Variants in FGF14 observed in about 807,000 individuals in gnomAD.
FGF14 encodes fibroblast growth factor 14, also known as fibroblast growth factor homologous factor 4.
Under a neutral mutation model 25.5 loss-of-function variants are expected in FGF14, and 5 were observed. The observed-to-expected ratio is 0.20, with a 90% confidence interval of 0.10 to 0.41. The LOEUF (loss-of-function observed/expected upper bound fraction) is 0.41, where lower values mean the gene tolerates loss of function less well. Among genes scored for constraint, FGF14 ranks in the 10% least tolerant of loss-of-function variants. The pLI is 1.00. For missense variants in FGF14, 222 were observed against 320.1 expected, an observed-to-expected ratio of 0.69 and a Z score of 2.34; for synonymous variants, 138 against 118.3, an observed-to-expected ratio of 1.17 and a Z score of -1.08.
At position 102,288,044 on chromosome 13, in the gene FGF14, T is replaced by A. The variant is rs570552543; in HGVS notation, c.208+113427A>T. 3.5e-4 allele frequency among the ~76,000 whole-genome samples: 54 copies of A among 152,338 alleles called. 1 individual carries two copies. The highest frequency in any genetic ancestry group is 3.3e-4 in the Admixed American group (5 of 15,296). ...GAATAAAGTAGTCTTTGAAGTTGAA[T>A]CTCTCTAAGAGTCTAAAAATTCAAA... On this transcript the variant is annotated intron_variant, in intron 1 of 4. Coordinates refer to the FGF14 transcript ENST00000376131.
At chr13:102,285,946 G>A (rs770346829) in intron 1 of FGF14, among the ~76,000 whole-genome samples, 3 of 152,120 alleles carry the variant, frequency 2.0e-5, no homozygotes, top group Non-Finnish European at 4.4e-5. Context: ...GACTAAGGAG[G>A]GGGTACCCCT....
At chr13:102,233,531 C>T (rs1180565887) in intron 1 of FGF14, among the ~76,000 whole-genome samples, 2 of 151,990 alleles carry the variant, frequency 1.3e-5, no homozygotes, top group African/African-American at 2.4e-5. Flanking sequence ...CACAGCTGTA[C>T]CCCCAGCACC....
intron 1 of FGF14, among the ~76,000 whole-genome samples, chr13:101,977,574 T>C (rs919767410): frequency 3.9e-5 from 6 of 152,144 alleles, no homozygotes; most frequent in Non-Finnish European, 7.3e-5. Context: ...CTTCTTTGCT[T>C]TCTTTCTTTT....
chr13:101,875,373 T>G, intron 1 of FGF14, 77 bp from the exon 2 acceptor site: 1 of 1,027,066 alleles, frequency 9.7e-7, no homozygotes, highest in Non-Finnish European at 1.5e-6. Flanking sequence ...TTTCTCTTTC[T>G]TTTTTCAGAA....
At chr13:102,267,225 G>C (rs1057383674) in intron 1 of FGF14, among the ~76,000 whole-genome samples, 2 of 152,022 alleles carry the variant, frequency 1.3e-5, no homozygotes, top group African/African-American at 2.4e-5. Flanking sequence ...TGAATGATTT[G>C]GGGCTCAACC....
chr13:102,277,273 A>G (rs1165620666), intron 1 of FGF14, among the ~76,000 whole-genome samples: 2 of 152,246 alleles, frequency 1.3e-5, no homozygotes, highest in Non-Finnish European at 2.9e-5. Context: ...TTAAATTTGC[A>G]CATTCCTCAT....
intron 3 of FGF14, among the ~76,000 whole-genome samples, chr13:101,867,889 GACACAC>G (rs370683665): frequency 0.08 from 11,246 of 140,616 alleles, 524 homozygotes; most frequent in African/African-American, 0.14. Flanking sequence ...TTCTGTTTAA[GACACAC>G]ACACACACAC....
chr13:101,739,988 A>G (rs939639916), intron 3 of FGF14, among the ~76,000 whole-genome samples: 1 of 152,188 alleles, frequency 6.6e-6, no homozygotes, highest in Non-Finnish European at 1.5e-5. Context: ...GGCATTGTAT[A>G]AAAGAACATT....
chr13:102,304,784 C>G (rs1391049690), intron 1 of FGF14, among the ~76,000 whole-genome samples: 1 of 152,164 alleles, frequency 6.6e-6, no homozygotes, highest in African/African-American at 2.4e-5. Context: ...AACTTGCTAT[C>G]CAAATGCTGG....
chr13:101,879,852 G>A (rs2045601859), intron 1 of FGF14, among the ~76,000 whole-genome samples: 1 of 152,062 alleles, frequency 6.6e-6, no homozygotes, highest in Non-Finnish European at 1.5e-5. Context: ...GGCACTCCCA[G>A]TAGCAGAAAA....
chr13:101,920,752 C>T (rs1454476187), upstream of FGF14, among the ~76,000 whole-genome samples: 2 of 152,056 alleles, frequency 1.3e-5, no homozygotes, highest in East Asian at 1.9e-4. Context: ...TAAATTTTGA[C>T]GAAATAAGTC....
chr13:102,248,153 G>A (rs2051980686), intron 1 of FGF14, among the ~76,000 whole-genome samples: 1 of 152,082 alleles, frequency 6.6e-6, no homozygotes, highest in Admixed American at 6.6e-5. Flanking sequence ...AGGCTTAGTA[G>A]CTGGTGTGAC....
At chr13:101,767,128 CAT>C (rs2038456793) in intron 3 of FGF14, among the ~76,000 whole-genome samples, 1 of 152,144 alleles carries the variant, frequency 6.6e-6, no homozygotes, top group African/African-American at 2.4e-5. Flanking sequence ...TAGGCCTTTA[CAT>C]ATCACATATC....
chr13:102,304,867 C>A (rs2055285860), intron 1 of FGF14, among the ~76,000 whole-genome samples: 1 of 152,120 alleles, frequency 6.6e-6, no homozygotes, highest in Admixed American at 6.5e-5. Flanking sequence ...GCACTCTAAC[C>A]ACAACCTCAC....
intron 1 of FGF14, among the ~76,000 whole-genome samples, chr13:102,067,950 A>G (rs1037500140): frequency 2.0e-5 from 3 of 152,198 alleles, no homozygotes; most frequent in Non-Finnish European, 4.4e-5. Context: ...TAGCACTCCA[A>G]TACGTCTGGC....
chr13:102,286,233 T>C (rs2054091487), intron 1 of FGF14, among the ~76,000 whole-genome samples: 1 of 152,066 alleles, frequency 6.6e-6, no homozygotes, highest in Non-Finnish European at 1.5e-5. Flanking sequence ...ACTAACTATT[T>C]AGCACCAACT....
chr13:102,278,616 A>G (rs7988383), intron 1 of FGF14, among the ~76,000 whole-genome samples: 5,614 of 145,080 alleles, frequency 0.039, 357 homozygotes, highest in African/African-American at 0.14. Context: ...CACTCTACAT[A>G]CATTTTATGT....
chr13:102,049,250 C>A (rs2042116976), intron 1 of FGF14, among the ~76,000 whole-genome samples: 1 of 152,024 alleles, frequency 6.6e-6, no homozygotes, highest in Non-Finnish European at 1.5e-5. Flanking sequence ...ATTAAATGTC[C>A]TTTCTTTTAC....
chr13:102,307,003 G>T (rs2055422445), intron 1 of FGF14, among the ~76,000 whole-genome samples: 1 of 152,044 alleles, frequency 6.6e-6, no homozygotes, highest in South Asian at 2.1e-4. Context: ...GCATTTCTCT[G>T]GGTCCAATCT....
Sources: allele counts gnomAD v4.1 joint callset (sites outside exome capture counted in the v4.1 genomes callset), GRCh38; gene constraint gnomAD v4.1.1; transcripts MANE v1.5; gene names NCBI Gene and HGNC (gene_info 2026-07-23, HGNC 2026-07-21).